ACAA1: variants seen among roughly 807,000 people sequenced by gnomAD.
ACAA1 encodes 3-ketoacyl-CoA thiolase, peroxisomal.
In ACAA1, 44 loss-of-function variants were observed where a neutral mutation model predicts 48.8. The ratio of observed to expected loss-of-function variants is 0.90; its 90% CI spans 0.71 to 1.16. The LOEUF is 1.16. Ranked by LOEUF, ACAA1 falls within the 50% of genes most tolerant of loss-of-function variation. ACAA1 has a pLI of 0.00. For synonymous variants in ACAA1, 233 were observed against 226.5 expected, an observed-to-expected ratio of 1.03 and a Z score of -0.26; for missense variants, 512 against 562.3, an observed-to-expected ratio of 0.91 and a Z score of 0.90.
intron 4 of ACAA1, 71 bp downstream of exon 4, chr3:38,131,855 C>G (rs181916852): frequency 7.0e-5 from 101 of 1,452,020 alleles, no homozygotes; most frequent in Non-Finnish European, 8.5e-5. Flanking sequence ...ATTGCTTGCC[C>G]GGCAGACAGC....
At chr3:38,130,627 C>T (rs549441332) in intron 5 of ACAA1, among the ~76,000 whole-genome samples, 7 of 152,220 alleles carry the variant, frequency 4.6e-5, no homozygotes, top group Non-Finnish European at 1.0e-4. Context: ...GAATCAGATA[C>T]TCTCTAAGAA....
chr3:38,136,447 C>T (rs1043369895), intron 2 of ACAA1, 145 bp downstream of exon 2: 1 of 764,816 alleles, frequency 1.3e-6, no homozygotes, highest in African/African-American at 1.8e-5. Flanking sequence ...GAGAAATACC[C>T]ACAGGTGTGA....
chr3:38,134,372 G>A, intron 2 of ACAA1: 1 of 426,170 alleles, frequency 2.3e-6, no homozygotes, highest in Non-Finnish European at 4.5e-6. Context: ...CCAGAGAGGT[G>A]GAACAGTGAT....
intron 6 of ACAA1, among the ~76,000 whole-genome samples, chr3:38,128,812 CG>C (rs971113763): frequency 6.6e-6 from 1 of 152,104 alleles, no homozygotes; most frequent in African/African-American, 2.4e-5. Flanking sequence ...AGGATGGTCT[CG>C]ATCTCCTGAC....
Position 38,126,246 on chromosome 3 carries a change from T to C in ACAA1, c.913A>G (p.Arg305Gly). The change falls in exon 9 of 12, where the codon AGG (arginine) becomes GGG (glycine). Residue 305 changes from arginine (R) to glycine (G), a missense_variant. Physicochemically the swap from Arg to Gly is moderately radical, Grantham distance 125. Coordinates refer to ENST00000333167, the MANE Select transcript of ACAA1 (RefSeq NM_001607.4). This position sits in a 1 kb window ranked among gnomAD's most constrained non-coding sequence, Gnocchi z 4.7. ...GGGACCCCAACCACTGCATAAGACC[T>C]CAGGACCCCAAGGATGGGAAGGCCC... is the stretch of plus-strand genomic sequence containing the variant. Reference protein sequence around the residue: ...ELGLPILGVLRSYAVVGVPPD... With the variant: ...ELGLPILGVLGSYAVVGVPPD... 1 of 1,614,142 alleles carries C rather than the reference T, an allele frequency of 6.2e-7. No homozygotes were observed. Among genetic ancestry groups the C allele is most frequent in the Non-Finnish European group, 8.5e-7 (1 of 1,180,020 alleles).
intron 7 of ACAA1, among the ~76,000 whole-genome samples, chr3:38,127,346 G>T (rs1700700410): frequency 6.6e-6 from 1 of 152,070 alleles, no homozygotes; most frequent in Admixed American, 6.6e-5. Context: ...TTCCTCTCTG[G>T]ACAGCCGGGA....
intron 11 of ACAA1, chr3:38,124,413 C>T (rs941149541): frequency 3.3e-5 from 5 of 152,206 alleles, no homozygotes; most frequent in African/African-American, 1.2e-4. Context: ...CCAGACCAGC[C>T]TGGGCAACAT....
At chr3:38,136,516 G>A in intron 2 of ACAA1, 76 bp downstream of exon 2, 1 of 1,531,038 alleles carries the variant, frequency 6.5e-7, no homozygotes, top group Non-Finnish European at 9.0e-7. Flanking sequence ...AAAATTCGGG[G>A]CGGGGAGGTG....
At chr3:38,127,315 A>G (rs993924465) in intron 7 of ACAA1, among the ~76,000 whole-genome samples, 11 of 152,134 alleles carry the variant, frequency 7.2e-5, no homozygotes. Context: ...CCTGGCCCAG[A>G]TACCACTCCC....
In ACAA1 at chr3:38,126,207, C is replaced by T. The variant is rs761933241; in HGVS notation, c.952G>A (p.Gly318Ser). Residue 318 changes from glycine (G) to serine (S), a missense_variant, in exon 9 of 12, where the codon GGC becomes AGC. By Grantham distance (56) the Gly-to-Ser change is moderately conservative (BLOSUM62 0). Coordinates refer to ENST00000333167, the MANE Select transcript of ACAA1 (RefSeq NM_001607.4). This position sits in a 1 kb window ranked among gnomAD's most constrained non-coding sequence, Gnocchi z 4.7. ...GGGATGGCATAGGCAGGTCCAATGC[C>T]CATGATGTCAGGTGGGACCCCAACC... ...AVVGVPPDIMGIGPAYAIPVA... is the reference protein window; with the variant it reads ...AVVGVPPDIMSIGPAYAIPVA... 8.1e-6 allele frequency: 13 copies of T among 1,614,182 alleles called. No homozygotes were observed. Among genetic ancestry groups the T allele is most frequent in the Non-Finnish European group, 1.1e-5 (13 of 1,180,016 alleles).
At position 38,136,996 on chromosome 3, in the gene ACAA1, G is replaced by A; in HGVS notation, c.40C>T (p.Pro14Ser). Residue 14 changes from proline to serine, a missense_variant, in exon 1 of 12, where the codon CCG becomes TCG. Transcript: ENST00000333167. The stretch of plus-strand genomic sequence containing the variant: ...TGCGGCATCCAGCCGGAATCGGCCG[G>A]ACCCCTCAGGTGGCCCAGCACTACC... ...LQVVLGHLRG[P>S]ADSGWMPQAA... The A allele has an allele frequency of 6.4e-7, 1 of 1,564,780 alleles. No individual in the cohort carries two copies. The highest frequency in any genetic ancestry group is 8.6e-7 in the Non-Finnish European group (1 of 1,157,150).
intron 4 of ACAA1, 113 bp from the exon 5 acceptor site, chr3:38,131,751 T>A: frequency 7.4e-7 from 1 of 1,358,488 alleles, no homozygotes; most frequent in Non-Finnish European, 1.1e-6. Context: ...GCCTCAGAAA[T>A]GGAAGACCCA....
At chr3:38,124,457 A>C (rs1298885739) in intron 11 of ACAA1, 2 of 152,148 alleles carry the variant, frequency 1.3e-5, no homozygotes, top group African/African-American at 4.8e-5. Flanking sequence ...AATACGAAAA[A>C]TTAGCTGGGT....
At chr3:38,131,501 G>T in intron 5 of ACAA1, 95 bp downstream of exon 5, 1 of 1,347,060 alleles carries the variant, frequency 7.4e-7, no homozygotes, top group Non-Finnish European at 1.1e-6. Context: ...AGGGGATGGG[G>T]GGAATCCTGA....
intron 2 of ACAA1, among the ~76,000 whole-genome samples, chr3:38,135,534 A>G (rs1268691916): frequency 6.6e-6 from 1 of 152,110 alleles, no homozygotes; most frequent in African/African-American, 2.4e-5. Flanking sequence ...TGTCATAAGT[A>G]AGTTTAAGGA....
intron 6 of ACAA1, among the ~76,000 whole-genome samples, chr3:38,128,992 C>T (rs1456839970): frequency 6.6e-6 from 1 of 152,210 alleles, no homozygotes; most frequent in Non-Finnish European, 1.5e-5. Context: ...ACTTTCTAGG[C>T]CCCCAAGGCT....
At chr3:38,128,038 G>C (rs1426074941) in intron 6 of ACAA1, among the ~76,000 whole-genome samples, 172 bp from the exon 7 acceptor site, 1 of 152,206 alleles carries the variant, frequency 6.6e-6, no homozygotes, top group Non-Finnish European at 1.5e-5. Context: ...GGTACAGCCT[G>C]CCCTGAAAGT....
In ACAA1 at chr3:38,125,703, T is replaced by C. The variant is rs371052867; in HGVS notation, c.1061A>G (p.Tyr354Cys). Residue 354 changes from tyrosine to cysteine, a missense_variant, in exon 11 of 12, where the codon TAC becomes TGC. Tyr to Cys is a radical substitution (Grantham distance 194). Transcript: ENST00000333167. ...GGGGAGTCGTAGCTTCTCCACACAG[T>C]AGGCAGCCTGGAAGGAGGCAGATCA... Reference protein sequence around the residue: ...INEAFASQAAYCVEKLRLPPE... With the variant: ...INEAFASQAACCVEKLRLPPE... 1.2e-6 allele frequency: 2 copies of C among 1,607,114 alleles called. No homozygotes were observed. Among genetic ancestry groups the C allele is most frequent in the Non-Finnish European group, 1.7e-6 (2 of 1,175,922 alleles).
intron 5 of ACAA1, among the ~76,000 whole-genome samples, chr3:38,131,269 T>C (rs1223635325): frequency 6.6e-6 from 1 of 152,210 alleles, no homozygotes; most frequent in Non-Finnish European, 1.5e-5. Flanking sequence ...CTCAGCAGCA[T>C]CATGAATCAA....
Sources: allele counts gnomAD v4.1 joint callset (sites outside exome capture counted in the v4.1 genomes callset), GRCh38; gene constraint gnomAD v4.1.1; non-coding constraint Gnocchi (gnomAD v3.1); transcripts MANE v1.5; gene names NCBI Gene and HGNC (gene_info 2026-07-23, HGNC 2026-07-21).